The following ATP8B4 variants were observed in gnomAD, a reference collection of about 807,000 sequenced individuals.
The protein encoded by ATP8B4 is ATPase phospholipid transporting 8B4 (putative).
A neutral mutation model predicts 145.6 loss-of-function variants in ATP8B4; 133 were observed. The observed-to-expected ratio is 0.91, with a 90% CI of 0.79 to 1.05. The LOEUF (loss-of-function observed/expected upper bound fraction) is 1.05. ATP8B4 is among the 50% of genes least tolerant of loss of function. The probability of loss-of-function intolerance (pLI) is 0.00; values close to 1 mark genes in which losing one functional copy is unlikely to be tolerated. For missense variants in ATP8B4, 1,458 were observed against 1,425.2 expected (o/e 1.02, Z -0.37); for synonymous variants, 507 against 492.9 (o/e 1.03, Z -0.38).
At chr15:50,019,005 G>C in intron 6 of ATP8B4, 1 of 1,080,114 alleles carries the variant, frequency 9.3e-7, no homozygotes, top group Non-Finnish European at 1.2e-6. Context: ...CAAAGTTCGA[G>C]TCAATGTAAA....
intron 14 of ATP8B4, among the ~76,000 whole-genome samples, chr15:49,961,238 C>T (rs2044046774): frequency 6.6e-6 from 1 of 151,938 alleles, no homozygotes; most frequent in Admixed American, 6.5e-5. Flanking sequence ...AAAATTAGAA[C>T]CAATATTGAT....
At chr15:49,873,632 C>T (rs2033972730) in intron 25 of ATP8B4, among the ~76,000 whole-genome samples, 1 of 151,910 alleles carries the variant, frequency 6.6e-6, no homozygotes, top group African/African-American at 2.4e-5. Context: ...TCTTGAATTT[C>T]CTGCAATGTA....
intron 10 of ATP8B4, among the ~76,000 whole-genome samples, chr15:49,986,644 T>C (rs2046624529): frequency 6.6e-6 from 1 of 152,188 alleles, no homozygotes; most frequent in Non-Finnish European, 1.5e-5. Context: ...TGATTGCACA[T>C]AGTCAAGAGG....
At chr15:50,122,960 T>C (rs1397986865), upstream of ATP8B4, among the ~76,000 whole-genome samples, 1 of 152,186 alleles carries the variant, frequency 6.6e-6, no homozygotes, top group Non-Finnish European at 1.5e-5. Context: ...ATTCATTAAA[T>C]AAATAACAAA....
rs972744038 is a variant in ATP8B4 at position 49,876,444 on chromosome 15, T to C, written c.2861A>G (p.Lys954Arg). ...TCCATGCAACACGCAAATGAAAAAT[T>C]TACGCTTGTTAAAAAGCAGATTCAG... ...GQLNLLFNKR[K>R]FFICVLHGIY... Residue 954 changes from lysine to arginine, a missense_variant, in exon 25 of 28, where the codon AAA becomes AGA. Coordinates refer to ENST00000284509, the MANE Select transcript of ATP8B4 (RefSeq NM_024837.4). 15 of 1,612,434 alleles carry C rather than the reference T, an allele frequency of 9.3e-6. No individual in the cohort carries two copies. Among genetic ancestry groups the C allele is most frequent in the Middle Eastern group, 1.6e-4 (1 of 6,080 alleles).
intron 1 of ATP8B4, among the ~76,000 whole-genome samples, chr15:50,107,846 T>C (rs1181633765): frequency 6.6e-6 from 1 of 152,136 alleles, no homozygotes; most frequent in Admixed American, 6.5e-5. Context: ...ACAACACTTA[T>C]GGCTTAGTAG....
intron 15 of ATP8B4, among the ~76,000 whole-genome samples, chr15:49,933,012 T>C (rs2041401407): frequency 6.6e-6 from 1 of 152,046 alleles, no homozygotes; most frequent in Admixed American, 6.6e-5. Flanking sequence ...AGAAATCAAG[T>C]TGAAACTTTA....
chr15:50,150,616 C>T (rs1356170981), intron 1 of ATP8B4, among the ~76,000 whole-genome samples: 6 of 152,234 alleles, frequency 3.9e-5, no homozygotes, highest in Non-Finnish European at 7.3e-5. Flanking sequence ...TGAAGCGAAG[C>T]TCTCAGGCTA....
At chr15:50,179,949 A>G (rs2044820526) in intron 1 of ATP8B4, among the ~76,000 whole-genome samples, 1 of 152,358 alleles carries the variant, frequency 6.6e-6, no homozygotes, top group East Asian at 1.9e-4. Context: ...CAAAGCTGGA[A>G]TCACTGGGAC....
intron 5 of ATP8B4, among the ~76,000 whole-genome samples, chr15:50,039,272 C>A (rs2051085298): frequency 6.6e-6 from 1 of 152,206 alleles, no homozygotes; most frequent in Non-Finnish European, 1.5e-5. Flanking sequence ...TTACTTGTAA[C>A]AACATCAATT....
chr15:50,066,661 G>A (rs1390815728), intron 3 of ATP8B4, among the ~76,000 whole-genome samples: 1 of 152,128 alleles, frequency 6.6e-6, no homozygotes, highest in Non-Finnish European at 1.5e-5. Context: ...GCCAAAATAT[G>A]TGAAAAGATT....
chr15:49,877,915 C>T (rs1416753675), intron 24 of ATP8B4, among the ~76,000 whole-genome samples: 9 of 152,146 alleles, frequency 5.9e-5, no homozygotes, highest in African/African-American at 1.4e-4. Context: ...TAGTCTTAGC[C>T]GTGTCACTTA....
At chr15:50,169,241 C>G (rs4775869) in intron 1 of ATP8B4, among the ~76,000 whole-genome samples, 88,335 of 152,110 alleles carry the variant, frequency 0.58, 26,733 homozygotes, top group East Asian at 0.81. Context: ...AAATAGAGTA[C>G]TAAACCACCA....
intron 7 of ATP8B4, among the ~76,000 whole-genome samples, chr15:50,005,338 T>C (rs1453806207): frequency 6.6e-6 from 1 of 152,192 alleles, no homozygotes; most frequent in Non-Finnish European, 1.5e-5. Context: ...TTATTAGGCA[T>C]AATAAATATT....
intron 21 of ATP8B4, among the ~76,000 whole-genome samples, chr15:49,899,755 A>T (rs961492925): frequency 6.7e-5 from 10 of 148,552 alleles, no homozygotes; most frequent in African/African-American, 2.5e-4. Context: ...AATCATGATT[A>T]AAAAAAAAAG....
At chr15:50,131,796 C>T (rs1430997588) in intron 1 of ATP8B4, among the ~76,000 whole-genome samples, 1 of 147,960 alleles carries the variant, frequency 6.8e-6, no homozygotes, top group Non-Finnish European at 1.5e-5. Context: ...TATTTTAATA[C>T]TAAAATACTA....
At chr15:49,963,661 G>A (rs1356892786) in intron 13 of ATP8B4, among the ~76,000 whole-genome samples, 1 of 152,140 alleles carries the variant, frequency 6.6e-6, no homozygotes, top group African/African-American at 2.4e-5. Context: ...CACAGGAACA[G>A]GAAACCAAAC....
At chr15:50,145,419 T>G (rs745692361) in intron 1 of ATP8B4, among the ~76,000 whole-genome samples, 8 of 152,224 alleles carry the variant, frequency 5.3e-5, no homozygotes, top group Non-Finnish European at 1.0e-4. Context: ...TTAGAGTTAA[T>G]TTTAAAAGTT....
intron 16 of ATP8B4, among the ~76,000 whole-genome samples, chr15:49,924,593 A>T (rs1226495835): frequency 6.6e-6 from 1 of 152,224 alleles, no homozygotes; most frequent in Non-Finnish European, 1.5e-5. Context: ...ATTTAAAAAA[A>T]TATAAAAACC....
Sources: allele counts gnomAD v4.1 joint callset (sites outside exome capture counted in the v4.1 genomes callset), GRCh38; gene constraint gnomAD v4.1.1; transcripts MANE v1.5; gene names NCBI Gene and HGNC (gene_info 2026-07-23, HGNC 2026-07-21).